ATP2B2: variants seen among roughly 807,000 people sequenced by gnomAD.
ATP2B2 encodes ATPase plasma membrane Ca2+ transporting 2.
Under a neutral mutation model 120.0 loss-of-function variants are expected in ATP2B2, and 15 were observed. The ratio of observed to expected loss-of-function variants is 0.12; its 90% CI spans 0.08 to 0.19. The LOEUF (loss-of-function observed/expected upper bound fraction) is 0.19, where lower values mean the gene tolerates loss of function less well. Among genes scored for constraint, ATP2B2 ranks in the 10% least tolerant of loss-of-function variants. The probability of loss-of-function intolerance (pLI) is 1.00; values close to 1 mark genes in which losing one functional copy is unlikely to be tolerated. For missense variants in ATP2B2, 1,045 were observed against 1,719.8 expected (o/e 0.61, Z 6.94); for synonymous variants, 694 against 700.3 (o/e 0.99, Z 0.14).
At chr3:10,590,974 C>T (rs2068630461) in intron 2 of ATP2B2, among the ~76,000 whole-genome samples, 1 of 152,074 alleles carries the variant, frequency 6.6e-6, no homozygotes, top group African/African-American at 2.4e-5. Context: ...AAAGCACCTT[C>T]TTGTCCCCGT....
rs184065956 is a variant in ATP2B2 at position 10,493,504 on chromosome 3, C to T, written c.-320+11961G>A. ...CAGACCCAGAAGGGCTTACAGGCTGCAGAAAGGAGTCTCGACTTGTTCCTG... is the reference window on the plus strand; with the variant it reads ...CAGACCCAGAAGGGCTTACAGGCTGTAGAAAGGAGTCTCGACTTGTTCCTG... On this transcript the variant is annotated intron_variant, in intron 1 of 22. Coordinates refer to ENST00000360273, the MANE Select transcript of ATP2B2 (RefSeq NM_001001331.4). Among the ~76,000 whole-genome samples the T allele has an allele frequency of 1.8e-4, 27 of 152,218 alleles. No individual in the cohort carries two copies. In the East Asian group the frequency reaches 5.0e-3, roughly 28 times the overall value.
chr3:10,380,293 T>C (rs1196181735), intron 8 of ATP2B2, among the ~76,000 whole-genome samples: 1 of 152,166 alleles, frequency 6.6e-6, no homozygotes, highest in African/African-American at 2.4e-5. Flanking sequence ...CACCCTCCCA[T>C]CTACTGGGCC....
rs553744879 is a variant in ATP2B2, at chr3:10,488,591, C to G, written c.-320+16874G>C. On this transcript the variant is annotated intron_variant, in intron 1 of 22. Transcript: ENST00000360273. ...TGGTTCAATATTTACTGTGTGCTTACCAGGTTCTACCAGGTTCTAGACAAT... is the reference window on the plus strand; with the variant it reads ...TGGTTCAATATTTACTGTGTGCTTAGCAGGTTCTACCAGGTTCTAGACAAT... Among the ~76,000 whole-genome samples the G allele has an allele frequency of 8.6e-5, 13 of 151,812 alleles. 1 individual carries two copies. The highest frequency in any genetic ancestry group is 2.9e-4 in the African/African-American group (12 of 41,378).
In ATP2B2 at chr3:10,379,418, G is replaced by A. The variant is rs1347798337; in HGVS notation, c.1001-134C>T. ...CGTGCTGACTGCATCCCTCTGTGTGGGGATACGGGTTGGGGAGGGCCCTGA... is the reference window on the plus strand; with the variant it reads ...CGTGCTGACTGCATCCCTCTGTGTGAGGATACGGGTTGGGGAGGGCCCTGA... On this transcript the variant is annotated intron_variant, in intron 8 of 22. Transcript: ENST00000360273. The A allele has an allele frequency of 3.8e-6, 4 of 1,049,172 alleles. No homozygotes were observed. In the East Asian group the frequency reaches 1.0e-4, roughly 27 times the overall value. 65.0% of individuals were successfully genotyped at this position (1,049,172 alleles called of 1,614,324 possible).
intron 3 of ATP2B2, among the ~76,000 whole-genome samples, chr3:10,523,754 AGAG>A: frequency 6.6e-6 from 1 of 151,944 alleles, no homozygotes; most frequent in East Asian, 1.9e-4. Flanking sequence ...GTAGCAGGGG[AGAG>A]GAGAACTTGG....
At chr3:10,640,633 A>G (rs2070145867) in intron 1 of ATP2B2, among the ~76,000 whole-genome samples, 1 of 152,174 alleles carries the variant, frequency 6.6e-6, no homozygotes, top group Non-Finnish European at 1.5e-5. Flanking sequence ...AAGCTTCTGG[A>G]GGAGGAGGGC....
At chr3:10,337,055 C>G (rs1327470884) in intron 22 of ATP2B2, among the ~76,000 whole-genome samples, 3 of 152,152 alleles carry the variant, frequency 2.0e-5, no homozygotes, top group African/African-American at 7.2e-5. Flanking sequence ...AGGCCCGTGT[C>G]AGGCACCTCC....
chr3:10,572,736 T>C (rs1262380244), intron 2 of ATP2B2, among the ~76,000 whole-genome samples: 1 of 152,158 alleles, frequency 6.6e-6, no homozygotes. Flanking sequence ...TATTAATGGG[T>C]TGAAGGGGCA....
In ATP2B2 at chr3:10,355,957, C is replaced by CAA. The variant is rs1425530739; in HGVS notation, c.2136+2733_2136+2734insTT. Among the ~76,000 whole-genome samples, 5 of 75,118 alleles carry CAA rather than the reference C, an allele frequency of 6.7e-5. 1 individual carries two copies. Among genetic ancestry groups the CAA allele is most frequent in the Non-Finnish European group, 7.6e-5 (3 of 39,442 alleles). The allele number at this position is 75,118 out of a possible 152,430, so 49.3% of individuals were successfully genotyped here. ...GGGCGTGGTAGCGGGCGCCTGTAGT[C>CAA]CCAGCTACTCGGGAGGCTGAGGCAG... On this transcript the variant is annotated intron_variant, in intron 14 of 22. Coordinates refer to ENST00000360273, the MANE Select transcript of ATP2B2 (RefSeq NM_001001331.4).
intron 1 of ATP2B2, among the ~76,000 whole-genome samples, chr3:10,504,851 C>T (rs957502474): frequency 1.3e-5 from 2 of 152,164 alleles, no homozygotes; most frequent in African/African-American, 4.8e-5. Flanking sequence ...CCACCCGTTC[C>T]TGCCACCCTC....
At chr3:10,460,027 C>A (rs1156916854) in intron 1 of ATP2B2, among the ~76,000 whole-genome samples, 1 of 152,366 alleles carries the variant, frequency 6.6e-6, no homozygotes, top group African/African-American at 2.4e-5. Context: ...AGTATTCTGA[C>A]CACACACAAC....
intron 6 of ATP2B2, chr3:10,387,844 C>A (rs949146473): frequency 1.5e-5 from 4 of 260,840 alleles, no homozygotes; most frequent in Non-Finnish European, 2.3e-5. Flanking sequence ...CTGCCCATGT[C>A]TTGGATGAAT....
chr3:10,650,373 T>C lies in ATP2B2; in HGVS notation c.-459-30412A>G, dbSNP rs572194097. The stretch of plus-strand genomic sequence containing the variant: ...TGAACTTGAGAGAGACGATTTAAGG[T>C]ATATGGCAGAAGAAATTTCTAAGCA... On this transcript the variant is annotated intron_variant, in intron 1 of 21. Coordinates refer to the ATP2B2 transcript ENST00000646379. Among the ~76,000 whole-genome samples, 4 of 152,270 alleles carry C rather than the reference T, an allele frequency of 2.6e-5. No homozygotes were observed. In the East Asian group the frequency reaches 7.7e-4, roughly 29 times the overall value.
At chr3:10,474,304 T>C (rs1191555039) in intron 1 of ATP2B2, among the ~76,000 whole-genome samples, 3 of 152,164 alleles carry the variant, frequency 2.0e-5, no homozygotes, top group Non-Finnish European at 4.4e-5. Flanking sequence ...AACTTTGAGA[T>C]GCTTGTGAGA....
intron 2 of ATP2B2, among the ~76,000 whole-genome samples, chr3:10,618,184 T>G (rs2069447735): frequency 6.6e-6 from 1 of 152,238 alleles, no homozygotes; most frequent in African/African-American, 2.4e-5. Context: ...TCAGATGGAC[T>G]GGGTTCCAGT....
At chr3:10,683,768 A>G (rs1276414997) in intron 1 of ATP2B2, among the ~76,000 whole-genome samples, 7,919 of 63,576 alleles carry the variant, frequency 0.12, 453 homozygotes, top group Non-Finnish European at 0.14. Flanking sequence ...GTGTATATAT[A>G]TATATATATA....
Position 10,375,753 on chromosome 3 carries a change from A to C in ATP2B2, c.1202-109T>G, listed in dbSNP as rs1448421702. 7 of 944,938 alleles carry C rather than the reference A, an allele frequency of 7.4e-6. No homozygotes were observed. The highest frequency in any genetic ancestry group is 1.2e-5 in the Non-Finnish European group (7 of 598,602). 58.5% of individuals were successfully genotyped at this position (944,938 alleles called of 1,614,324 possible). On this transcript the variant is annotated intron_variant, in intron 10 of 22. Transcript: ENST00000360273. The surrounding 1 kb of genome is among the most constrained non-coding windows in gnomAD (Gnocchi z 4.2). Reference sequence around the variant, plus strand: ...CTCCGGGTCAGGCTGACCCCAGCTCACCTCCCAGCTCTGCCACTCCTTGCT... The same window carrying C: ...CTCCGGGTCAGGCTGACCCCAGCTCCCCTCCCAGCTCTGCCACTCCTTGCT...
chr3:10,394,709 C>T, intron 5 of ATP2B2: 2 of 374,714 alleles, frequency 5.3e-6, no homozygotes, highest in Admixed American at 3.3e-5. Context: ...GGCAGAGTCC[C>T]AAGAGGGTTT....
intron 12 of ATP2B2, among the ~76,000 whole-genome samples, chr3:10,369,033 GCCT>G (rs2061150835): frequency 6.6e-6 from 1 of 152,204 alleles, no homozygotes; most frequent in Admixed American, 6.5e-5. Context: ...AGAGGAACTG[GCCT>G]CCTTGTGGAG....
Sources: allele counts gnomAD v4.1 joint callset (sites outside exome capture counted in the v4.1 genomes callset), GRCh38; gene constraint gnomAD v4.1.1; non-coding constraint Gnocchi (gnomAD v3.1); transcripts MANE v1.5; gene names NCBI Gene and HGNC (gene_info 2026-07-23, HGNC 2026-07-21).